Variants in DNAH6 observed in about 807,000 individuals in gnomAD.
The protein encoded by DNAH6 is dynein axonemal heavy chain 6, also known as axonemal beta dynein heavy chain 6.
Under a neutral mutation model 491.4 loss-of-function variants are expected in DNAH6, and 340 were observed. The ratio of observed to expected loss-of-function variants is 0.69; its 90% CI spans 0.63 to 0.76. The LOEUF is 0.76. DNAH6 is among the 30% of genes least tolerant of loss of function. DNAH6 has a pLI of 0.00. For missense variants in DNAH6, 4,443 were observed against 4,972.2 expected (o/e 0.89, Z 3.20); for synonymous variants, 1,603 against 1,686.1 (o/e 0.95, Z 1.21).
chr2:84,652,294 A>G (rs1327631447), intron 33 of DNAH6, among the ~76,000 whole-genome samples: 5 of 152,080 alleles, frequency 3.3e-5, no homozygotes, highest in Admixed American at 6.6e-5. Context: ...AGTGTTTTAA[A>G]GAGAGGCCAA....
At chr2:84,726,582 A>C (rs1698654999) in intron 60 of DNAH6, among the ~76,000 whole-genome samples, 1 of 152,186 alleles carries the variant, frequency 6.6e-6, no homozygotes, top group African/African-American at 2.4e-5. Context: ...GGAATTGAAC[A>C]ATGAGAACAC....
chr2:84,463,066 G>A, the DNAH6 span, among the ~76,000 whole-genome samples: 1 of 152,188 alleles, frequency 6.6e-6, no homozygotes, highest in East Asian at 1.9e-4. Flanking sequence ...ATACTGTGCA[G>A]GGGAGTGGGG....
intron 11 of DNAH6, among the ~76,000 whole-genome samples, chr2:84,559,105 G>C (rs1028635666): frequency 1.3e-5 from 2 of 151,978 alleles, no homozygotes; most frequent in African/African-American, 4.8e-5. Context: ...ACCTACTACT[G>C]TCTCTGCTTA....
intron 52 of DNAH6, among the ~76,000 whole-genome samples, chr2:84,706,653 A>G (rs1167604407): frequency 6.6e-6 from 1 of 152,128 alleles, no homozygotes; most frequent in Non-Finnish European, 1.5e-5. Context: ...AATGCTCAGT[A>G]CACCTGTTTC....
the DNAH6 span, among the ~76,000 whole-genome samples, chr2:84,468,420 A>G: frequency 6.6e-6 from 1 of 152,364 alleles, no homozygotes; most frequent in South Asian, 2.1e-4. Flanking sequence ...CAAGGAGTCC[A>G]GGCTGTTAGA....
At chr2:84,486,929 T>C in the DNAH6 span, among the ~76,000 whole-genome samples, 2 of 152,126 alleles carry the variant, frequency 1.3e-5, no homozygotes, top group South Asian at 4.1e-4. Flanking sequence ...CATTTATAAG[T>C]CTGGACCAGT....
intron 76 of DNAH6, among the ~76,000 whole-genome samples, chr2:84,818,918 CA>C (rs1411774222): frequency 4.6e-5 from 7 of 152,092 alleles, no homozygotes; most frequent in Non-Finnish European, 8.8e-5. Flanking sequence ...ACTAAAAATA[CA>C]AAAATTAGCC....
chr2:84,553,311 G>A (rs113157239), intron 10 of DNAH6, among the ~76,000 whole-genome samples: 932 of 74,378 alleles, frequency 0.013, 25 homozygotes, highest in African/African-American at 0.049. Context: ...TCCCTTTAAG[G>A]ACAACTGAAG....
At chr2:84,716,087 GTA>G (rs1290525281) in intron 58 of DNAH6, among the ~76,000 whole-genome samples, 3 of 150,012 alleles carry the variant, frequency 2.0e-5, no homozygotes, top group African/African-American at 7.4e-5. Flanking sequence ...ATATGTGTGT[GTA>G]TATATATGTA....
Position 84,584,238 on chromosome 2 carries a change from ACT to A in DNAH6, c.2470_2471del (p.Leu824AlafsTer13). 6.2e-7 allele frequency: 1 copy of A among 1,613,970 alleles called. No individual in the cohort carries two copies. The highest frequency in any genetic ancestry group is 8.5e-7 in the Non-Finnish European group (1 of 1,179,880). ...ELNNEVNEVK[L>X]QAQDPQILDI... Reference sequence around the variant, plus strand: ...TAAACAACGAAGTGAATGAAGTAAAACTGCAAGCACAGGTAAGCTAAATCATT... The same window carrying A: ...TAAACAACGAAGTGAATGAAGTAAAAGCAAGCACAGGTAAGCTAAATCATT... On this transcript the variant is annotated frameshift_variant, in exon 15 of 77. Transcript: ENST00000389394. LOFTEE classifies it high-confidence loss of function.
intron 30 of DNAH6, among the ~76,000 whole-genome samples, chr2:84,636,974 GA>G (rs1034814366): frequency 1.4e-4 from 22 of 152,146 alleles, no homozygotes; most frequent in African/African-American, 5.1e-4. Flanking sequence ...GGCTAGGAAG[GA>G]AGAGACAGTT....
intron 45 of DNAH6, among the ~76,000 whole-genome samples, chr2:84,692,817 T>C (rs959481916): frequency 6.6e-6 from 1 of 152,230 alleles, no homozygotes. Context: ...AGCCATAACA[T>C]GGTATTTTTC....
chr2:84,717,750 T>A (rs1697684269), intron 58 of DNAH6, among the ~76,000 whole-genome samples: 1 of 152,218 alleles, frequency 6.6e-6, no homozygotes, highest in Non-Finnish European at 1.5e-5. Context: ...GAGGTAAGGC[T>A]CCTTTCTCAT....
Position 84,658,970 on chromosome 2 carries a change from G to T in DNAH6, c.5941-56G>T, listed in dbSNP as rs539804683. On this transcript the variant is annotated intron_variant, in intron 36 of 76. Transcript: ENST00000389394. ...AATATCTTTACACTTTGCAGCTTAG[G>T]ATTCTTTTTATGTTCATATATAAAA... 32 of 1,100,218 alleles carry T rather than the reference G, an allele frequency of 2.9e-5. 1 individual carries two copies. In the East Asian group the frequency reaches 8.7e-4, roughly 30 times the overall value. 68.2% of individuals were successfully genotyped at this position (1,100,218 alleles called of 1,614,324 possible).
At chr2:84,794,677 A>G (rs1390843460) in intron 68 of DNAH6, among the ~76,000 whole-genome samples, 3 of 144,888 alleles carry the variant, frequency 2.1e-5, no homozygotes, top group Admixed American at 6.9e-5. Flanking sequence ...GTCAGGAAAC[A>G]ACAGGTGCTG....
rs67469465 is a variant in DNAH6, at chr2:84,528,872, AT to A, written c.400-21del. On this transcript the variant is annotated intron_variant, in intron 3 of 76. Transcript: ENST00000389394. ...CTTGTGTGTATGTGTGCAAAGACTC[AT>A]TTTTTTTTTTCAAAAATTGGCTTTG... 1.4e-4 allele frequency: 188 copies of A among 1,328,752 alleles called. 1 individual carries two copies. In the African/African-American group the frequency reaches 2.0e-3, roughly 14 times the overall value. The allele number at this position is 1,328,752 out of a possible 1,614,324, so 82.3% of individuals were successfully genotyped here.
chr2:84,812,642 A>C lies in DNAH6; in HGVS notation c.11925+116A>C, dbSNP rs986158373. The C allele has an allele frequency of 8.1e-6, 7 of 864,906 alleles. No individual in the cohort carries two copies. In the African/African-American group the frequency reaches 1.0e-4, roughly 13 times the overall value. 53.6% of individuals were successfully genotyped at this position (864,906 alleles called of 1,614,324 possible). ...TCACTGATGGATAATCTGAGCCCAG[A>C]GAAAAAGAGATGTCCAGAATGGCAT... On this transcript the variant is annotated intron_variant, in intron 73 of 76. Transcript: ENST00000389394.
chr2:84,660,658 C>A (rs1232022340), intron 37 of DNAH6, among the ~76,000 whole-genome samples: 1 of 151,934 alleles, frequency 6.6e-6, no homozygotes, highest in Admixed American at 6.6e-5. Flanking sequence ...GCTACATGAT[C>A]AATTTAATTT....
intron 66 of DNAH6, 29 bp from the exon 67 acceptor site, chr2:84,785,581 T>C: frequency 1.3e-6 from 2 of 1,490,676 alleles, no homozygotes; most frequent in South Asian, 2.7e-5. Context: ...AATCACTCTC[T>C]CTGCCACATA....
Sources: gnomAD v4.1 joint callset for allele counts (sites outside exome capture counted in the v4.1 genomes callset) on GRCh38, gnomAD v4.1.1 for gene constraint, MANE v1.5 for transcripts, NCBI Gene and HGNC (gene_info 2026-07-23, HGNC 2026-07-21) for gene names.